The following ACER3 variants were observed in gnomAD, a reference collection of about 807,000 sequenced individuals.
ACER3 encodes the protein alkCDase 3.
A neutral mutation model predicts 48.9 loss-of-function variants in ACER3; 16 were observed. The observed-to-expected ratio is 0.33, with a 90% confidence interval of 0.22 to 0.50. ACER3 has a LOEUF of 0.50. Ranked by LOEUF, ACER3 falls within the 20% of genes least tolerant of loss-of-function variation. The pLI is 0.98. For missense variants in ACER3, 227 were observed against 326.0 expected (o/e 0.70, Z 2.34); for synonymous variants, 109 against 107.8 (o/e 1.01, Z -0.07).
chr11:76,899,856 C>T (rs7932449), intron 1 of ACER3, among the ~76,000 whole-genome samples: 15,869 of 152,024 alleles, frequency 0.1, 2,718 homozygotes, highest in African/African-American at 0.36. Flanking sequence ...GAGCACAACC[C>T]CCGACCCCAG....
intron 1 of ACER3, among the ~76,000 whole-genome samples, chr11:76,891,093 T>C (rs1945792285): frequency 6.6e-6 from 1 of 150,412 alleles, no homozygotes; most frequent in African/African-American, 2.4e-5. Context: ...CACTCCAGCC[T>C]GGGTGATAGA....
chr11:77,000,101 T>A (rs1354576475), intron 7 of ACER3, among the ~76,000 whole-genome samples: 1 of 152,228 alleles, frequency 6.6e-6, no homozygotes, highest in East Asian at 1.9e-4. Context: ...CCAGTTTCTT[T>A]GCATCCTCAC....
intron 1 of ACER3, among the ~76,000 whole-genome samples, chr11:76,909,581 C>A (rs1304442255): frequency 2.6e-5 from 4 of 152,166 alleles, no homozygotes; most frequent in African/African-American, 9.7e-5. Flanking sequence ...TACCATCTCA[C>A]GCCAGTTAGA....
At position 77,016,723 on chromosome 11, in the gene ACER3, T is replaced by G. The variant is rs1555023425; in HGVS notation, c.648T>G (p.Phe216Leu). Residue 216 changes from phenylalanine to leucine, a missense_variant, in exon 9 of 11, where the codon TTT becomes TTG. Physicochemically the swap from Phe to Leu is conservative, Grantham distance 22 (BLOSUM62 0). Around this residue, in one of 3 missense-constraint regions of ACER3, gnomAD observed 195 missense variants for 290.8 expected, o/e 0.67. Transcript: ENST00000532485. ...CTATCATAGGTATTACCACACAATT[T>G]CATGCATGGTGGCATATTTTAACTG... The part of the protein sequence containing the change: ...VPPIIGITTQ[F>L]HAWWHILTGL... 6.2e-7 allele frequency: 1 copy of G among 1,605,158 alleles called. No individual in the cohort carries two copies. The highest frequency in any genetic ancestry group is 8.5e-7 in the Non-Finnish European group (1 of 1,174,870).
At chr11:76,937,734 AGAG>A (rs1221997044) in intron 2 of ACER3, among the ~76,000 whole-genome samples, 1 of 152,224 alleles carries the variant, frequency 6.6e-6, no homozygotes, top group Non-Finnish European at 1.5e-5. Context: ...TGGAAAAGAT[AGAG>A]GAGAGAGTGA....
At chr11:76,865,872 A>G (rs1340446178) in intron 1 of ACER3, among the ~76,000 whole-genome samples, 1 of 147,884 alleles carries the variant, frequency 6.8e-6, no homozygotes, top group Non-Finnish European at 1.5e-5. Flanking sequence ...GCTGGAGTGC[A>G]GCGGCGTGAT....
At chr11:76,873,807 A>G (rs1409392743) in intron 1 of ACER3, among the ~76,000 whole-genome samples, 1 of 152,170 alleles carries the variant, frequency 6.6e-6, no homozygotes, top group Non-Finnish European at 1.5e-5. Flanking sequence ...TAAGGACAGT[A>G]CAATTCCTCA....
chr11:76,981,568 A>C (rs1948585792), intron 4 of ACER3, among the ~76,000 whole-genome samples: 1 of 152,230 alleles, frequency 6.6e-6, no homozygotes, highest in Non-Finnish European at 1.5e-5. Context: ...CCTCCAGGCC[A>C]CCACTGATCT....
chr11:76,922,676 C>G (rs1200901125), intron 1 of ACER3, among the ~76,000 whole-genome samples: 2 of 152,154 alleles, frequency 1.3e-5, no homozygotes, highest in African/African-American at 4.8e-5. Flanking sequence ...GTGAGAGGAA[C>G]ATTAGCTATA....
At chr11:77,009,381 A>G (rs1232194227) in intron 7 of ACER3, among the ~76,000 whole-genome samples, 1 of 152,206 alleles carries the variant, frequency 6.6e-6, no homozygotes, top group Admixed American at 6.5e-5. Context: ...AAGCCATGAG[A>G]GTGCCCCCAT....
chr11:76,904,912 G>A (rs1436412821), intron 1 of ACER3, among the ~76,000 whole-genome samples: 1 of 151,902 alleles, frequency 6.6e-6, no homozygotes, highest in African/African-American at 2.4e-5. Flanking sequence ...GAGTGCAGTG[G>A]CACAATCTCG....
intron 1 of ACER3, among the ~76,000 whole-genome samples, chr11:76,913,987 G>A (rs571988874): frequency 6.6e-6 from 1 of 152,270 alleles, no homozygotes; most frequent in Admixed American, 6.5e-5. Flanking sequence ...GGGGAAACTG[G>A]CTAGCCATAT....
At chr11:76,930,081 T>C (rs1172711228) in intron 2 of ACER3, among the ~76,000 whole-genome samples, 1 of 151,834 alleles carries the variant, frequency 6.6e-6, no homozygotes, top group Non-Finnish European at 1.5e-5. Context: ...AGAATTTGGC[T>C]GTGAGTCCGT....
Position 76,990,550 on chromosome 11 carries a change from G to A in ACER3, c.414G>A (p.Lys138=). The change falls in exon 6 of 11, where the codon AAG becomes AAA. Residue 138 remains lysine (K), a synonymous_variant. Coordinates refer to ENST00000532485, the MANE Select transcript of ACER3 (RefSeq NM_018367.7). ...CTAATATTTTGCAGGTTTACCTTAA[G>A]GTAAAAGAGCCGATATTCCATCAGG... is the stretch of plus-strand genomic sequence containing the variant. ...FSLIVTTVYL[K]VKEPIFHQVM... 6.7e-7 allele frequency: 1 copy of A among 1,501,994 alleles called. No individual in the cohort carries two copies. Among genetic ancestry groups the A allele is most frequent in the Non-Finnish European group, 9.2e-7 (1 of 1,081,354 alleles). 93.0% of individuals were successfully genotyped at this position (1,501,994 alleles called of 1,614,324 possible).
At chr11:76,958,940 G>A (rs1947913667) in intron 2 of ACER3, 39 bp from the exon 3 acceptor site, 2 of 1,607,326 alleles carry the variant, frequency 1.2e-6, no homozygotes, top group Non-Finnish European at 1.7e-6. Flanking sequence ...CACGCACAAA[G>A]AATTTCATGC....
chr11:76,928,661 T>C (rs1946903190), intron 2 of ACER3, among the ~76,000 whole-genome samples: 1 of 152,214 alleles, frequency 6.6e-6, no homozygotes, highest in African/African-American at 2.4e-5. Flanking sequence ...AGGGATCCAG[T>C]TTCAGCTTTC....
rs1033787969 is a variant in ACER3 at position 76,965,388 on chromosome 11, G to A, written c.267+6357G>A. ...AACCAAGTTGGAAAACACTCTGCAG[G>A]ATATTATCCAGGAGAACTTCCCCAA... On this transcript the variant is annotated intron_variant, in intron 3 of 10. Transcript: ENST00000532485. 1.5e-4 allele frequency among the ~76,000 whole-genome samples: 23 copies of A among 151,482 alleles called. 1 individual carries two copies. The highest frequency in any genetic ancestry group is 2.4e-4 in the Non-Finnish European group (16 of 68,034).
intron 7 of ACER3, among the ~76,000 whole-genome samples, chr11:77,001,601 A>G (rs185394663): frequency 1.3e-5 from 2 of 152,266 alleles, no homozygotes; most frequent in Non-Finnish European, 2.9e-5. Context: ...AATAGTGTAT[A>G]TCCTCGTTCC....
At chr11:76,973,082 A>G (rs1235351717) in intron 3 of ACER3, among the ~76,000 whole-genome samples, 3 of 152,244 alleles carry the variant, frequency 2.0e-5, no homozygotes, top group African/African-American at 4.8e-5. Flanking sequence ...TTGGAGCCCT[A>G]TAAGTGAGGC....
Sources: allele counts gnomAD v4.1 joint callset (sites outside exome capture counted in the v4.1 genomes callset), GRCh38; gene constraint gnomAD v4.1.1; regional missense constraint gnomAD v4.1.1; transcripts MANE v1.5; gene names NCBI Gene and HGNC (gene_info 2026-07-23, HGNC 2026-07-21).